Variants in SCUBE1 observed in about 807,000 individuals in gnomAD.
SCUBE1 encodes the protein signal peptide, CUB domain and EGF like domain containing 1.
Under a neutral mutation model 124.4 loss-of-function variants are expected in SCUBE1, and 59 were observed. The ratio of observed to expected loss-of-function variants is 0.47; its 90% CI spans 0.38 to 0.59. SCUBE1 has a LOEUF of 0.59. Among genes scored for constraint, SCUBE1 ranks in the 20% least tolerant of loss-of-function variants. The pLI, the probability that SCUBE1 is intolerant of heterozygous loss-of-function variation, is 0.00. For missense variants in SCUBE1, 1,150 were observed against 1,371.2 expected, an observed-to-expected ratio of 0.84 and a Z score of 2.55; for synonymous variants, 545 against 550.9, an observed-to-expected ratio of 0.99 and a Z score of 0.15.
At chr22:43,306,969 G>A (rs1344028099) in intron 3 of SCUBE1, among the ~76,000 whole-genome samples, 4 of 152,202 alleles carry the variant, frequency 2.6e-5, no homozygotes, top group Non-Finnish European at 2.9e-5. Context: ...CGGCAGGTCT[G>A]TGCACCTGCC....
chr22:43,236,920 TGTTCCGTGAGCGAGCGAGTGA>T (rs1357108328), intron 7 of SCUBE1, among the ~76,000 whole-genome samples: 1 of 152,216 alleles, frequency 6.6e-6, no homozygotes, highest in Non-Finnish European at 1.5e-5. Context: ...AAAACACACC[TGTTCCGTGAGCGAGCGAGTGA>T]GATGATCTCT....
At chr22:43,291,493 T>C (rs1419333218) in intron 3 of SCUBE1, among the ~76,000 whole-genome samples, 1 of 151,684 alleles carries the variant, frequency 6.6e-6, no homozygotes, top group African/African-American at 2.4e-5. Flanking sequence ...AGTGGTACAG[T>C]GGGTCTCCAT....
In SCUBE1 at chr22:43,211,121, G is replaced by A; in HGVS notation, c.2222-38C>T. The A allele has an allele frequency of 6.3e-7, 1 of 1,578,114 alleles. No individual in the cohort carries two copies. The highest frequency in any genetic ancestry group is 1.1e-5 in the South Asian group (1 of 87,826). ...ACAAGGCAGTGTGGTGGGTGTGGAG[G>A]GGTGCAGGGAAAGGGCAGCACTGGG... On this transcript the variant is annotated intron_variant, in intron 17 of 21. Coordinates refer to ENST00000360835, the MANE Select transcript of SCUBE1 (RefSeq NM_173050.5). This position sits in a 1 kb window ranked among gnomAD's most constrained non-coding sequence, Gnocchi z 4.5.
At chr22:43,265,590 C>T (rs568012715) in intron 4 of SCUBE1, among the ~76,000 whole-genome samples, 3 of 152,344 alleles carry the variant, frequency 2.0e-5, no homozygotes, top group African/African-American at 4.8e-5. Context: ...ATCCCCAGCA[C>T]GGGAGCCCCC....
At chr22:43,253,413 G>T (rs1923534702) in intron 6 of SCUBE1, among the ~76,000 whole-genome samples, 1 of 152,138 alleles carries the variant, frequency 6.6e-6, no homozygotes, top group African/African-American at 2.4e-5. Flanking sequence ...CTCTCCCTTT[G>T]CTTCGTGTTG....
Position 43,204,111 on chromosome 22 carries a change from C to T in SCUBE1, c.2853G>A (p.Ala951=), listed in dbSNP as rs142852064. 23 of 1,613,776 alleles carry T rather than the reference C, an allele frequency of 1.4e-5. No homozygotes were observed. The highest frequency in any genetic ancestry group is 5.3e-5 in the African/African-American group (4 of 74,828). ...TGTACTTGAAGTAGTTCTGGGGATG[C>T]GCCAGCACGTCGAAGAGGGCCTTGA... is the stretch of plus-strand genomic sequence containing the variant. ...KLIKALFDVL[A]HPQNYFKYTA... is the part of the protein sequence containing the mutation. Residue 951 remains alanine, a synonymous_variant, in exon 22 of 22, where the codon GCG becomes GCA. Coordinates refer to ENST00000360835, the MANE Select transcript of SCUBE1 (RefSeq NM_173050.5).
chr22:43,302,926 G>A (rs1327182983), intron 3 of SCUBE1, among the ~76,000 whole-genome samples: 1 of 152,146 alleles, frequency 6.6e-6, no homozygotes, highest in Non-Finnish European at 1.5e-5. Flanking sequence ...CCTCCAGGCC[G>A]GTGGATGGGG....
chr22:43,206,720 G>A (rs936188994), intron 21 of SCUBE1, among the ~76,000 whole-genome samples: 2 of 152,192 alleles, frequency 1.3e-5, no homozygotes, highest in Admixed American at 6.5e-5. Context: ...ATGGCCCTCC[G>A]GCTGAGGTTT....
rs1569009830 is a variant in SCUBE1, at chr22:43,280,757, C to CTTCCTCCTCGGCCACCCTCCTGTCACG, written c.484+10288_484+10289insCGTGACAGGAGGGTGGCCGAGGAGGAA. On this transcript the variant is annotated intron_variant, in intron 4 of 21. Transcript: ENST00000360835. ...TCCTCCTCGGCCACCCTCCTGTCAC[C>CTTCCTCCTCGGCCACCCTCCTGTCACG]TCCCTCATTGGCCACCCTCCTGTCA... Among the ~76,000 whole-genome samples the CTTCCTCCTCGGCCACCCTCCTGTCACG allele has an allele frequency of 4.4e-4, 30 of 68,752 alleles. No individual in the cohort carries two copies. In the Admixed American group the frequency reaches 4.6e-3, roughly 11 times the overall value. The allele number at this position is 68,752 out of a possible 152,430, so 45.1% of individuals were successfully genotyped here. A position where few individuals can be genotyped will look rare whatever the true frequency, so the allele number is the denominator to read the frequency against.
At chr22:43,308,357 A>G (rs559179270) in intron 3 of SCUBE1, among the ~76,000 whole-genome samples, 5 of 152,342 alleles carry the variant, frequency 3.3e-5, no homozygotes, top group Admixed American at 2.6e-4. Flanking sequence ...GGTGGGCATA[A>G]CGAAAGAGAC....
chr22:43,276,243 C>T (rs1396081312), intron 4 of SCUBE1, among the ~76,000 whole-genome samples: 1 of 152,168 alleles, frequency 6.6e-6, no homozygotes, highest in East Asian at 1.9e-4. Context: ...GGAGAAGTGG[C>T]CACTGCTGGT....
rs148992085 is a variant in SCUBE1, at chr22:43,251,790, T to G, written c.727+6429A>C. Among the ~76,000 whole-genome samples the G allele has an allele frequency of 3.9e-5, 6 of 152,328 alleles. No individual in the cohort carries two copies. In the East Asian group the frequency reaches 9.6e-4, roughly 24 times the overall value. ...ATAAACGTGCGTCGTCTTAAGCAACTGAGATTGCGGGAATCTGTTAGCAGC... is the reference window on the plus strand; with the variant it reads ...ATAAACGTGCGTCGTCTTAAGCAACGGAGATTGCGGGAATCTGTTAGCAGC... On this transcript the variant is annotated intron_variant, in intron 6 of 21. Coordinates refer to ENST00000360835, the MANE Select transcript of SCUBE1 (RefSeq NM_173050.5).
At chr22:43,252,198 C>A (rs910837158) in intron 6 of SCUBE1, among the ~76,000 whole-genome samples, 4 of 152,358 alleles carry the variant, frequency 2.6e-5, no homozygotes, top group Middle Eastern at 3.4e-3. Context: ...AACCCAGTGG[C>A]CCAGGCCGCC....
chr22:43,286,201 G>A (rs1925135033), intron 4 of SCUBE1, among the ~76,000 whole-genome samples: 1 of 152,216 alleles, frequency 6.6e-6, no homozygotes, highest in Admixed American at 6.5e-5. Flanking sequence ...TTAACCCTAC[G>A]AAGCAGGTAT....
chr22:43,238,753 G>T, intron 7 of SCUBE1, 85 bp downstream of exon 7: 2 of 1,135,504 alleles, frequency 1.8e-6, no homozygotes, highest in Non-Finnish European at 2.7e-6. Flanking sequence ...GTTCAGCCCA[G>T]CCCTGGGCCC....
intron 4 of SCUBE1, chr22:43,283,891 T>C (rs1219628957): frequency 3.3e-5 from 5 of 152,270 alleles, no homozygotes; most frequent in Non-Finnish European, 5.9e-5. Context: ...ACAGATGAAA[T>C]GAATGGATCC....
intron 2 of SCUBE1, among the ~76,000 whole-genome samples, chr22:43,322,338 T>C (rs1337606830): frequency 6.6e-6 from 1 of 152,178 alleles, no homozygotes; most frequent in East Asian, 1.9e-4. Flanking sequence ...TTTGCAGCCC[T>C]GACCTTTCTC....
At chr22:43,239,376 G>A (rs547355659) in intron 6 of SCUBE1, among the ~76,000 whole-genome samples, 1 of 152,360 alleles carries the variant, frequency 6.6e-6, no homozygotes, top group African/African-American at 2.4e-5. Context: ...AGGTGACTGG[G>A]GCCCCCAAAT....
At chr22:43,313,919 T>C (rs867011530) in intron 3 of SCUBE1, among the ~76,000 whole-genome samples, 12 of 152,358 alleles carry the variant, frequency 7.9e-5, no homozygotes, top group African/African-American at 2.9e-4. Flanking sequence ...TGTTTATTTC[T>C]AAGGTGATCA....
Sources: allele counts gnomAD v4.1 joint callset (sites outside exome capture counted in the v4.1 genomes callset), GRCh38; gene constraint gnomAD v4.1.1; non-coding constraint Gnocchi (gnomAD v3.1); transcripts MANE v1.5; gene names NCBI Gene and HGNC (gene_info 2026-07-23, HGNC 2026-07-21).